Variants in LRRTM3 observed in about 807,000 individuals in gnomAD.
The protein encoded by LRRTM3 is leucine-rich repeat transmembrane neuronal protein 3.
Under a neutral mutation model 44.7 loss-of-function variants are expected in LRRTM3, and 24 were observed. The ratio of observed to expected loss-of-function variants is 0.54; its 90% CI spans 0.39 to 0.76. The LOEUF is 0.76. Among genes scored for constraint, LRRTM3 ranks in the 30% least tolerant of loss-of-function variants. The pLI is 0.00. For synonymous variants in LRRTM3, 277 were observed against 278.7 expected, an observed-to-expected ratio of 0.99 and a Z score of 0.06; for missense variants, 587 against 702.2, an observed-to-expected ratio of 0.84 and a Z score of 1.85.
chr10:67,100,030 GAATT>G lies in LRRTM3; in HGVS notation c.*2239_*2242del, dbSNP rs998127269. Among the ~76,000 whole-genome samples, 2 of 151,618 alleles carry G rather than the reference GAATT, an allele frequency of 1.3e-5. No individual in the cohort carries two copies. The highest frequency in any genetic ancestry group is 6.6e-5 in the Admixed American group (1 of 15,166). ...TATCCTTGCAAAGATAGAAAAAGAA[GAATT>G]AATTTGTGTAAACAAGCACAAATTA... is the stretch of plus-strand genomic sequence containing the variant. On this transcript the variant is annotated 3_prime_UTR_variant, in exon 3 of 3. Transcript: ENST00000361320.
At chr10:67,044,922 G>A (rs1854633744) in intron 2 of LRRTM3, among the ~76,000 whole-genome samples, 2 of 152,096 alleles carry the variant, frequency 1.3e-5, no homozygotes, top group African/African-American at 4.8e-5. Flanking sequence ...TGGGAAAAAC[G>A]GGGATAACCA....
At chr10:67,089,535 G>C (rs1357931153) in intron 2 of LRRTM3, among the ~76,000 whole-genome samples, 3 of 151,964 alleles carry the variant, frequency 2.0e-5, no homozygotes, top group Admixed American at 6.6e-5. Context: ...TATTATCTCT[G>C]TGGGGGAGTC....
chr10:66,963,056 CACAT>C (rs1849205848), intron 2 of LRRTM3, among the ~76,000 whole-genome samples: 4 of 152,146 alleles, frequency 2.6e-5, no homozygotes, highest in Admixed American at 6.5e-5. Context: ...GTAAGACTCA[CACAT>C]ACTTCTACTT....
At chr10:66,973,241 A>G (rs1206130121) in intron 2 of LRRTM3, among the ~76,000 whole-genome samples, 1 of 152,198 alleles carries the variant, frequency 6.6e-6, no homozygotes, top group Non-Finnish European at 1.5e-5. Flanking sequence ...GAAATAAAAC[A>G]GTATTGAGTA....
At chr10:66,954,234 T>A (rs1848679871) in intron 2 of LRRTM3, among the ~76,000 whole-genome samples, 1 of 152,218 alleles carries the variant, frequency 6.6e-6, no homozygotes, top group African/African-American at 2.4e-5. Flanking sequence ...ATAAATTGAA[T>A]GTAACCATAT....
intron 2 of LRRTM3, among the ~76,000 whole-genome samples, chr10:66,951,567 T>C (rs1416238411): frequency 6.6e-6 from 1 of 152,198 alleles, no homozygotes; most frequent in Non-Finnish European, 1.5e-5. Context: ...TTAAGTAATA[T>C]ATTGAAGATC....
At chr10:66,980,027 G>A (rs1850319256) in intron 2 of LRRTM3, among the ~76,000 whole-genome samples, 1 of 152,130 alleles carries the variant, frequency 6.6e-6, no homozygotes, top group Non-Finnish European at 1.5e-5. Flanking sequence ...CATTGGCACT[G>A]GAGACACTTT....
intron 2 of LRRTM3, among the ~76,000 whole-genome samples, chr10:66,941,590 C>T (rs1468131319): frequency 6.6e-6 from 1 of 152,086 alleles, no homozygotes; most frequent in African/African-American, 2.4e-5. Flanking sequence ...AAATCAAAGG[C>T]CATAAAAGCT....
intron 2 of LRRTM3, among the ~76,000 whole-genome samples, chr10:66,981,060 C>T (rs1374896937): frequency 6.6e-6 from 1 of 152,124 alleles, no homozygotes; most frequent in African/African-American, 2.4e-5. Context: ...CATGCTCCAC[C>T]ATGCCTGGCT....
intron 2 of LRRTM3, among the ~76,000 whole-genome samples, chr10:67,062,121 T>C (rs1855791374): frequency 6.6e-6 from 1 of 152,112 alleles, no homozygotes; most frequent in Non-Finnish European, 1.5e-5. Flanking sequence ...CATTATCTCT[T>C]AGGATCATAT....
chr10:66,946,282 A>T (rs1451489062), intron 2 of LRRTM3, among the ~76,000 whole-genome samples: 2 of 152,212 alleles, frequency 1.3e-5, no homozygotes, highest in Admixed American at 1.3e-4. Context: ...GGAAATAGTG[A>T]TCACATTTTG....
chr10:67,037,785 T>A (rs1380273776), intron 2 of LRRTM3, among the ~76,000 whole-genome samples: 1 of 152,144 alleles, frequency 6.6e-6, no homozygotes, highest in Admixed American at 6.6e-5. Flanking sequence ...AACAAATACA[T>A]GGATGGTAGT....
intron 2 of LRRTM3, among the ~76,000 whole-genome samples, chr10:67,049,046 T>G (rs1854928533): frequency 9.5e-6 from 1 of 105,522 alleles, no homozygotes; most frequent in Non-Finnish European, 2.0e-5. Context: ...TTTTTTTTTG[T>G]ACTCTTCTTA....
chr10:67,033,847 C>G (rs1173375469), intron 2 of LRRTM3, among the ~76,000 whole-genome samples: 1 of 151,942 alleles, frequency 6.6e-6, no homozygotes, highest in South Asian at 2.1e-4. Context: ...CTCAGCTCAC[C>G]GCAACCTCTG....
At chr10:66,998,827 G>C (rs1851516795) in intron 2 of LRRTM3, among the ~76,000 whole-genome samples, 1 of 152,048 alleles carries the variant, frequency 6.6e-6, no homozygotes. Flanking sequence ...GATTGTGGGA[G>C]ATACAAATAA....
At chr10:67,061,848 T>C (rs566565967) in intron 2 of LRRTM3, among the ~76,000 whole-genome samples, 30 of 152,334 alleles carry the variant, frequency 2.0e-4, no homozygotes, top group African/African-American at 5.5e-4. Context: ...GGGAGAATAT[T>C]TAACATTACT....
chr10:67,027,069 A>G (rs1489959150), intron 2 of LRRTM3, among the ~76,000 whole-genome samples: 7 of 152,238 alleles, frequency 4.6e-5, no homozygotes, highest in Non-Finnish European at 8.8e-5. Flanking sequence ...AAACTCTCTG[A>G]GAGCGTAGAT....
At chr10:66,941,896 C>T (rs538920311) in intron 2 of LRRTM3, among the ~76,000 whole-genome samples, 134 of 152,186 alleles carry the variant, frequency 8.8e-4, no homozygotes, top group African/African-American at 2.9e-3. Flanking sequence ...ATAGATGGGC[C>T]GGCAGAGTTT....
At chr10:67,000,462 G>A (rs1209907342) in intron 2 of LRRTM3, among the ~76,000 whole-genome samples, 1 of 152,166 alleles carries the variant, frequency 6.6e-6, no homozygotes, top group African/African-American at 2.4e-5. Flanking sequence ...AGTTCTATGA[G>A]AGACAACACC....
Sources: gnomAD v4.1 joint callset for allele counts (sites outside exome capture counted in the v4.1 genomes callset) on GRCh38, gnomAD v4.1.1 for gene constraint, MANE v1.5 for transcripts, NCBI Gene and HGNC (gene_info 2026-07-23, HGNC 2026-07-21) for gene names.